Variants in ALDOA observed in about 807,000 individuals in gnomAD.
The protein encoded by ALDOA is aldolase, fructose-bisphosphate A.
A neutral mutation model predicts 43.9 loss-of-function variants in ALDOA; 26 were observed. That is an observed-to-expected ratio of 0.59 (90% CI 0.43 to 0.82). The LOEUF is 0.82. Ranked by LOEUF, ALDOA falls within the 40% of genes least tolerant of loss-of-function variation. The pLI is 0.00. For synonymous variants in ALDOA, 258 were observed against 222.6 expected, an observed-to-expected ratio of 1.16 and a Z score of -1.42; for missense variants, 498 against 549.5, an observed-to-expected ratio of 0.91 and a Z score of 0.94.
At chr16:30,068,206 A>G (rs549397062) in intron 4 of ALDOA, 39 of 319,420 alleles carry the variant, frequency 1.2e-4, no homozygotes, top group South Asian at 9.8e-4. Flanking sequence ...CTGGGACTAC[A>G]GGCGCCCGCC....
chr16:30,067,464 C>G lies in ALDOA; in HGVS notation c.289C>G (p.Arg97Gly), dbSNP rs757047929. The G allele has an allele frequency of 6.2e-7, 1 of 1,613,180 alleles. No individual in the cohort carries two copies. The highest frequency in any genetic ancestry group is 8.5e-7 in the Non-Finnish European group (1 of 1,179,980). The change falls in exon 4 of 10, where the codon CGG becomes GGG. Residue 97 changes from arginine to glycine, a missense_variant. Physicochemically the swap from Arg to Gly is moderately radical, Grantham distance 125 (BLOSUM62 -2). Transcript: ENST00000642816. Reference protein sequence around the residue: ...ADESTGSIAKRLQSIGTENTE... With the variant: ...ADESTGSIAKGLQSIGTENTE... ...GACACTCCCAGGGAGCATTGCCAAGCGGCTGCAGTCCATTGGCACCGAGAA... is the reference window on the plus strand; with the variant it reads ...GACACTCCCAGGGAGCATTGCCAAGGGGCTGCAGTCCATTGGCACCGAGAA...
chr16:30,066,661 C>T (rs2072116920), intron 1 of ALDOA, among the ~76,000 whole-genome samples: 1 of 152,188 alleles, frequency 6.6e-6, no homozygotes, highest in South Asian at 2.1e-4. Flanking sequence ...TCCTTGAAGC[C>T]TTGGAGCCCG....
chr16:30,067,087 G>T, intron 2 of ALDOA, 49 bp downstream of exon 2: 1 of 1,570,056 alleles, frequency 6.4e-7, no homozygotes, highest in Non-Finnish European at 8.6e-7. Context: ...GAGAGAGCTG[G>T]GGACCAGAAG....
At chr16:30,067,820 A>G in intron 4 of ALDOA, 159 bp downstream of exon 4, 3 of 792,218 alleles carry the variant, frequency 3.8e-6, no homozygotes, top group South Asian at 1.5e-5. Context: ...AATCCTCACA[A>G]TTCTGAGAGA....
rs1184108117 is a variant in ALDOA at position 30,066,967 on chromosome 16, T to C, written c.70T>C (p.Phe24Leu). 1 of 1,553,086 alleles carries C rather than the reference T, an allele frequency of 6.4e-7. No individual in the cohort carries two copies. The highest frequency in any genetic ancestry group is 2.4e-5 in the East Asian group (1 of 41,052). Residue 24 changes from phenylalanine to leucine, a missense_variant, in exon 2 of 10, where the codon TTT becomes CTT. By Grantham distance (22) the Phe-to-Leu change is conservative (BLOSUM62 0). Transcript: ENST00000642816. ...THLSMAMAFS[F>L]PPVASGQLHP... is the part of the protein sequence containing the mutation. Reference sequence around the variant, plus strand: ...CCTGTCCATGGCTATGGCCTTTTCCTTTCCCCCAGTTGCCAGTGGGCAACT... The same window carrying C: ...CCTGTCCATGGCTATGGCCTTTTCCCTTCCCCCAGTTGCCAGTGGGCAACT...
At position 30,068,318 on chromosome 16, in the gene ALDOA, C is replaced by T. The variant is rs930782803; in HGVS notation, c.487-328C>T. ...TGATCTCGTGATCTGCCCACCTCGG[C>T]CTCCCAAAGTGCTGGGATTACAGGC... On this transcript the variant is annotated intron_variant, in intron 4 of 9. Transcript: ENST00000642816. 17 of 369,382 alleles carry T rather than the reference C, an allele frequency of 4.6e-5. No individual in the cohort carries two copies. In the East Asian group the frequency reaches 1.2e-3, roughly 25 times the overall value. 22.9% of individuals were successfully genotyped at this position (369,382 alleles called of 1,614,324 possible).
rs767951688 is a variant in ALDOA at position 30,068,801 on chromosome 16, C to G, written c.542-17C>G. 1 of 1,614,234 alleles carries G rather than the reference C, an allele frequency of 6.2e-7. No individual in the cohort carries two copies. Among genetic ancestry groups the G allele is most frequent in the East Asian group, 2.2e-5 (1 of 44,888 alleles). Reference sequence around the variant, plus strand: ...TGCCCCTCCCCACCGTGCTCTGACCCCTTCCTCTTCTCTTAGGGTTGGATG... The same window carrying G: ...TGCCCCTCCCCACCGTGCTCTGACCGCTTCCTCTTCTCTTAGGGTTGGATG... On this transcript the variant is annotated splice_polypyrimidine_tract_variant and intron_variant, in intron 5 of 9. Transcript: ENST00000642816.
At position 30,067,541 on chromosome 16, in the gene ALDOA, C is replaced by G; in HGVS notation, c.366C>G (p.Asp122Glu). 2 of 1,613,878 alleles carry G rather than the reference C, an allele frequency of 1.2e-6. No homozygotes were observed. The highest frequency in any genetic ancestry group is 1.7e-6 in the Non-Finnish European group (2 of 1,180,026). The change falls in exon 4 of 10, where the codon GAC (aspartate) becomes GAG (glutamate). Residue 122 changes from aspartate (D) to glutamate (E), a missense_variant. Physicochemically the swap from Asp to Glu is conservative, Grantham distance 45. Coordinates refer to ENST00000642816, the MANE Select transcript of ALDOA (RefSeq NM_001243177.4). ...GCCAGCTGCTGCTGACAGCTGACGA[C>G]CGCGTGAACCCCTGCATTGGGGGTG... ...FYRQLLLTAD[D>E]RVNPCIGGVI... is the part of the protein sequence containing the mutation.
intron 4 of ALDOA, chr16:30,067,999 C>A (rs974542433): frequency 3.0e-6 from 1 of 327,998 alleles, no homozygotes. Context: ...ACTAAGTGAA[C>A]TAAGTGAAAA....
At position 30,067,464 on chromosome 16, in the gene ALDOA, C is replaced by T. The variant is rs757047929; in HGVS notation, c.289C>T (p.Arg97Trp). 5 of 1,613,180 alleles carry T rather than the reference C, an allele frequency of 3.1e-6. No individual in the cohort carries two copies. The highest frequency in any genetic ancestry group is 1.7e-4 in the Middle Eastern group (1 of 6,060). The part of the protein sequence containing the change: ...ADESTGSIAK[R>W]LQSIGTENTE... ...GACACTCCCAGGGAGCATTGCCAAG[C>T]GGCTGCAGTCCATTGGCACCGAGAA... The change falls in exon 4 of 10, where the codon CGG (arginine) becomes TGG (tryptophan). Residue 97 changes from arginine (R) to tryptophan (W), a missense_variant. Coordinates refer to ENST00000642816, the MANE Select transcript of ALDOA (RefSeq NM_001243177.4).
Position 30,069,854 on chromosome 16 carries a change from A to G in ALDOA, c.986A>G (p.Gln329Arg), listed in dbSNP as rs1298208531. 1 of 1,614,038 alleles carries G rather than the reference A, an allele frequency of 6.2e-7. No homozygotes were observed. The highest frequency in any genetic ancestry group is 8.5e-7 in the Non-Finnish European group (1 of 1,180,036). Reference protein sequence around the residue: ...VTGITFLSGGQSEEEASINLN... With the variant: ...VTGITFLSGGRSEEEASINLN... ...GGGATCACCTTCCTGTCTGGAGGCC[A>G]GAGTGAGGAGGAGGCGTCCATCAAC... The change falls in exon 9 of 10, where the codon CAG (glutamine) becomes CGG (arginine). Residue 329 changes from glutamine to arginine, a missense_variant. Coordinates refer to ENST00000642816, the MANE Select transcript of ALDOA (RefSeq NM_001243177.4).
At chr16:30,069,231 C>T (rs1048332210) in intron 6 of ALDOA, 75 bp from the exon 7 acceptor site, 2 of 1,520,632 alleles carry the variant, frequency 1.3e-6, no homozygotes, top group Non-Finnish European at 1.8e-6. Flanking sequence ...ACGGTCTTGA[C>T]CAGTGGCTGT....
intron 4 of ALDOA, 144 bp downstream of exon 4, chr16:30,067,805 T>A: frequency 1.1e-6 from 1 of 881,910 alleles, no homozygotes; most frequent in Non-Finnish European, 1.8e-6. Context: ...TTACTCGACA[T>A]TTTTAATCCT....
At position 30,069,935 on chromosome 16, in the gene ALDOA, A is replaced by C. The variant is rs757343704; in HGVS notation, c.1067A>C (p.Tyr356Ser). Residue 356 changes from tyrosine (Y) to serine (S), a missense_variant, in exon 9 of 10, where the codon TAC (tyrosine) becomes TCC (serine). Coordinates refer to ENST00000642816, the MANE Select transcript of ALDOA (RefSeq NM_001243177.4). ...LLKPWALTFS[Y>S]GRALQASALK... ...AAGCCCTGGGCCCTGACCTTCTCCTACGGCCGAGCCCTGCAGGCCTCTGCC... is the reference window on the plus strand; with the variant it reads ...AAGCCCTGGGCCCTGACCTTCTCCTCCGGCCGAGCCCTGCAGGCCTCTGCC... The C allele has an allele frequency of 1.2e-6, 2 of 1,613,966 alleles. No homozygotes were observed. The highest frequency in any genetic ancestry group is 1.7e-6 in the Non-Finnish European group (2 of 1,179,992).
chr16:30,066,734 G>A (rs2072118871), intron 1 of ALDOA, among the ~76,000 whole-genome samples, 151 bp from the exon 2 acceptor site: 1 of 152,234 alleles, frequency 6.6e-6, no homozygotes, highest in African/African-American at 2.4e-5. Context: ...GAAGAGCTGG[G>A]TTCTAATCTC....
upstream of ALDOA, chr16:30,064,568 C>T (rs2072037762): frequency 2.5e-6 from 1 of 398,658 alleles, no homozygotes; most frequent in Non-Finnish European, 4.4e-6. Context: ...CCCCCTTCCC[C>T]CATGCCGGGC....
At chr16:30,066,608 C>T (rs1441456581) in intron 1 of ALDOA, among the ~76,000 whole-genome samples, 2 of 152,300 alleles carry the variant, frequency 1.3e-5, no homozygotes, top group Middle Eastern at 3.4e-3. Flanking sequence ...CCTTTCCTAC[C>T]ACCCGCCCCC....
chr16:30,068,437 G>A, intron 4 of ALDOA: 1 of 650,978 alleles, frequency 1.5e-6, no homozygotes. Flanking sequence ...AAGGGATTAA[G>A]TAAATGTGGG....
chr16:30,068,501 G>T (rs2072200117), intron 4 of ALDOA, 145 bp from the exon 5 acceptor site: 1 of 873,598 alleles, frequency 1.1e-6, no homozygotes, highest in African/African-American at 2.0e-5. Context: ...TACCTAGGAG[G>T]CTGAGGCGGG....
Sources: gnomAD v4.1 joint callset for allele counts (sites outside exome capture counted in the v4.1 genomes callset) on GRCh38, gnomAD v4.1.1 for gene constraint, MANE v1.5 for transcripts, NCBI Gene and HGNC (gene_info 2026-07-23, HGNC 2026-07-21) for gene names.